The following TBC1D16 variants were observed in gnomAD, a reference collection of about 807,000 sequenced individuals.
TBC1D16 encodes the protein CTD-2529O21.1.
In TBC1D16, 58 loss-of-function variants were observed where a neutral mutation model predicts 74.7. The observed-to-expected ratio is 0.78, with a 90% CI of 0.63 to 0.97. The LOEUF is 0.97. TBC1D16 is among the 50% of genes least tolerant of loss of function. The probability of loss-of-function intolerance (pLI) is 0.00; values close to 1 mark genes in which losing one functional copy is unlikely to be tolerated. For missense variants in TBC1D16, 1,014 were observed against 1,079.5 expected (o/e 0.94, Z 0.85); for synonymous variants, 493 against 474.7 (o/e 1.04, Z -0.50).
chr17:80,025,180 CAT>C (rs2036531694), intron 1 of TBC1D16, among the ~76,000 whole-genome samples: 1 of 149,074 alleles, frequency 6.7e-6, no homozygotes, highest in Non-Finnish European at 1.5e-5. Context: ...TAGACACACA[CAT>C]ACCATGACAC....
intron 3 of TBC1D16, among the ~76,000 whole-genome samples, chr17:79,977,553 G>A (rs1253939276): frequency 6.6e-6 from 1 of 152,270 alleles, no homozygotes; most frequent in East Asian, 1.9e-4. Flanking sequence ...ACGGAGGAGA[G>A]AGAGCTCTCC....
In TBC1D16 at chr17:79,960,779, C is replaced by CAAAAAAAAAAAAAAAAAAAA. The variant is rs746450905; in HGVS notation, c.780-7981_780-7962dup. Among the ~76,000 whole-genome samples, 25 of 33,946 alleles carry CAAAAAAAAAAAAAAAAAAAA rather than the reference C, an allele frequency of 7.4e-4. 5 individuals are homozygous for CAAAAAAAAAAAAAAAAAAAA. Among genetic ancestry groups the CAAAAAAAAAAAAAAAAAAAA allele is most frequent in the East Asian group, 1.1e-3 (1 of 930 alleles). 22.3% of individuals were successfully genotyped at this position (33,946 alleles called of 152,430 possible). On this transcript the variant is annotated intron_variant, in intron 3 of 11. Coordinates refer to ENST00000310924, the MANE Select transcript of TBC1D16 (RefSeq NM_019020.4). ...CAAAAAAACCCAAAAAACAAAAACCCAAAAAAAAAAAAAAAAAAAAAAAAA... is the reference window on the plus strand; with the variant it reads ...CAAAAAAACCCAAAAAACAAAAACCCAAAAAAAAAAAAAAAAAAAAAAAAAAAAAAAAAAAAAAAAAAAAA...
Position 79,987,814 on chromosome 17 carries a change from C to T in TBC1D16, c.779+22346G>A, listed in dbSNP as rs555467774. ...AGGGGCTCCTACAAACAGCGGCTTA[C>T]GGGCTGGTGAGGAATTTCCCATCCT... On this transcript the variant is annotated intron_variant, in intron 3 of 11. Transcript: ENST00000310924. The surrounding 1 kb of genome is among the most constrained non-coding windows in gnomAD (Gnocchi z 5.2). Among the ~76,000 whole-genome samples the T allele has an allele frequency of 7.1e-5, 10 of 141,452 alleles. No individual in the cohort carries two copies. The highest frequency in any genetic ancestry group is 7.9e-5 in the African/African-American group (3 of 38,010). 92.8% of individuals were successfully genotyped at this position (141,452 alleles called of 152,430 possible).
chr17:80,008,351 C>T lies in TBC1D16; in HGVS notation c.779+1809G>A, dbSNP rs1243432834. On this transcript the variant is annotated intron_variant, in intron 3 of 11. Transcript: ENST00000310924. This position sits in a 1 kb window ranked among gnomAD's most constrained non-coding sequence, Gnocchi z 4.5. The stretch of plus-strand genomic sequence containing the variant: ...ATGCCAGGACTCAACCGGCACTCAA[C>T]TCCCTAACTCCTAAACTTGAGCTCC... 6.6e-6 allele frequency among the ~76,000 whole-genome samples: 1 copy of T among 152,194 alleles called. No homozygotes were observed. The highest frequency in any genetic ancestry group is 1.5e-5 in the Non-Finnish European group (1 of 68,036).
intron 9 of TBC1D16, 107 bp downstream of exon 9, chr17:79,947,538 A>T: frequency 7.8e-7 from 1 of 1,278,624 alleles, no homozygotes; most frequent in Non-Finnish European, 1.1e-6. Flanking sequence ...CTGCCCACTG[A>T]CCTACAGCAG....
chr17:79,949,648 A>C (rs1292650100), intron 7 of TBC1D16, 69 bp downstream of exon 7: 2 of 1,553,604 alleles, frequency 1.3e-6, no homozygotes. Context: ...TTGCACCTCA[A>C]ATTGCCTTTT....
At chr17:79,991,549 C>T (rs531783060) in intron 3 of TBC1D16, among the ~76,000 whole-genome samples, 2 of 152,252 alleles carry the variant, frequency 1.3e-5, no homozygotes, top group East Asian at 1.9e-4. Context: ...CACCCCAGCC[C>T]GGCCCTCAGA....
At chr17:79,976,770 T>G (rs2034348415) in intron 3 of TBC1D16, among the ~76,000 whole-genome samples, 1 of 152,204 alleles carries the variant, frequency 6.6e-6, no homozygotes, top group African/African-American at 2.4e-5. Context: ...GCTTGAGATT[T>G]TTCTGAAGCC....
At chr17:79,972,958 T>C (rs1468479654) in intron 3 of TBC1D16, among the ~76,000 whole-genome samples, 2 of 152,102 alleles carry the variant, frequency 1.3e-5, no homozygotes, top group African/African-American at 4.8e-5. Context: ...GGTGCCTACC[T>C]GTAATCCCAG....
chr17:79,995,629 C>A (rs2035244818), intron 3 of TBC1D16, among the ~76,000 whole-genome samples: 1 of 146,082 alleles, frequency 6.8e-6, no homozygotes, highest in South Asian at 2.2e-4. Context: ...ACTAAAAATA[C>A]AAAAAATTAG....
chr17:79,948,910 G>T lies in TBC1D16; in HGVS notation c.1503C>A (p.Phe501Leu). Residue 501 changes from phenylalanine to leucine, a missense_variant, in exon 8 of 12, where the codon TTC becomes TTA. Physicochemically the swap from Phe to Leu is conservative, Grantham distance 22. Coordinates refer to ENST00000310924, the MANE Select transcript of TBC1D16 (RefSeq NM_019020.4). Reference sequence around the variant, plus strand: ...CATTGGGATTGTCTTCCCCCCGGAAGAACTGGTTGTTCCGATCTGTCCGGA... The same window carrying T: ...CATTGGGATTGTCTTCCCCCCGGAATAACTGGTTGTTCCGATCTGTCCGGA... ...DVVRTDRNNQFFRGEDNPNVE... is the reference protein window; with the variant it reads ...DVVRTDRNNQLFRGEDNPNVE... 1.2e-6 allele frequency: 2 copies of T among 1,614,162 alleles called. No homozygotes were observed. The highest frequency in any genetic ancestry group is 1.1e-5 in the South Asian group (1 of 91,076).
chr17:79,949,078 A>G, intron 7 of TBC1D16, 72 bp from the exon 8 acceptor site: 1 of 1,589,238 alleles, frequency 6.3e-7, no homozygotes, highest in Non-Finnish European at 8.6e-7. Context: ...CACACACTGC[A>G]GGAAGCCACC....
intron 3 of TBC1D16, among the ~76,000 whole-genome samples, chr17:80,004,641 C>G (rs752991638): frequency 6.6e-6 from 1 of 152,188 alleles, no homozygotes; most frequent in Non-Finnish European, 1.5e-5. Context: ...AGGAATACCA[C>G]GATGAACATC....
intron 1 of TBC1D16, among the ~76,000 whole-genome samples, chr17:80,015,128 G>A (rs2036040240): frequency 6.6e-6 from 1 of 152,168 alleles, no homozygotes; most frequent in South Asian, 2.1e-4. Flanking sequence ...GAACGACCGT[G>A]TCAGTGAAGA....
chr17:80,009,697 C>T lies in TBC1D16; in HGVS notation c.779+463G>A, dbSNP rs1161818645. Among the ~76,000 whole-genome samples the T allele has an allele frequency of 2.6e-5, 4 of 152,222 alleles. No homozygotes were observed. The highest frequency in any genetic ancestry group is 4.4e-5 in the Non-Finnish European group (3 of 68,026). ...GTGCCCAGTGGGCTGCAGGGCAGAG[C>T]GGGGAGCTGGAGACCAGCACATCTG... On this transcript the variant is annotated intron_variant, in intron 3 of 11. Coordinates refer to ENST00000310924, the MANE Select transcript of TBC1D16 (RefSeq NM_019020.4). The surrounding 1 kb of genome is among the most constrained non-coding windows in gnomAD (Gnocchi z 5.4).
chr17:79,947,616 T>A lies in TBC1D16; in HGVS notation c.1728+29A>T, dbSNP rs377229754. On this transcript the variant is annotated intron_variant, in intron 9 of 11. Transcript: ENST00000310924. Reference sequence around the variant, plus strand: ...AGGCAACACGGGCCCTCACATGCCCTTGGACGCACCCATCCCCCTGAGCCT... The same window carrying A: ...AGGCAACACGGGCCCTCACATGCCCATGGACGCACCCATCCCCCTGAGCCT... 1.9e-6 allele frequency: 3 copies of A among 1,611,550 alleles called. No homozygotes were observed. The African/African-American group carries it at 4.0e-5, about 22-fold the overall frequency.
At chr17:80,018,613 C>CT (rs74490917) in intron 1 of TBC1D16, among the ~76,000 whole-genome samples, 62 of 141,010 alleles carry the variant, frequency 4.4e-4, no homozygotes, top group Admixed American at 6.9e-4. Context: ...CTTTTACATT[C>CT]TTTTTTTTTT....
At chr17:80,026,915 G>C (rs886872464) in intron 1 of TBC1D16, among the ~76,000 whole-genome samples, 2 of 149,214 alleles carry the variant, frequency 1.3e-5, no homozygotes, top group Non-Finnish European at 2.9e-5. Context: ...CTCTTCCTAG[G>C]GGCCAGATGC....
At chr17:79,970,384 G>C (rs191604016) in intron 3 of TBC1D16, among the ~76,000 whole-genome samples, 1 of 152,258 alleles carries the variant, frequency 6.6e-6, no homozygotes, top group East Asian at 1.9e-4. Flanking sequence ...TGTACTAACT[G>C]CCACTGCATT....
Sources: gnomAD v4.1 joint callset for allele counts (sites outside exome capture counted in the v4.1 genomes callset) on GRCh38, gnomAD v4.1.1 for gene constraint, Gnocchi (gnomAD v3.1) non-coding constraint, MANE v1.5 for transcripts, NCBI Gene and HGNC (gene_info 2026-07-23, HGNC 2026-07-21) for gene names.